GNAT3: variants seen among roughly 807,000 people sequenced by gnomAD.
GNAT3 encodes the protein G protein subunit alpha transducin 3.
GNAT3 carries 31 observed loss-of-function variants against 37.7 expected under a neutral mutation model. The ratio of observed to expected loss-of-function variants is 0.82; its 90% confidence interval spans 0.62 to 1.11. The LOEUF (loss-of-function observed/expected upper bound fraction) is 1.11, where lower values mean the gene tolerates loss of function less well. GNAT3 is among the 50% of genes most tolerant of loss of function. The pLI, the probability that GNAT3 is intolerant of heterozygous loss-of-function variation, is 0.00. For missense variants in GNAT3, 437 were observed against 412.5 expected (o/e 1.06, Z -0.51); for synonymous variants, 138 against 139.8 (o/e 0.99, Z 0.09).
chr7:80,458,649 G>C lies in GNAT3; in HGVS notation c.*22C>G. ...TATTTTGAAAAGCATACATGAGCAA[G>C]AGTGGAAGAGAAAATAGTTGATTAG... On this transcript the variant is annotated 3_prime_UTR_variant, in exon 8 of 8. Transcript: ENST00000398291. 3 of 1,376,376 alleles carry C rather than the reference G, an allele frequency of 2.2e-6. No homozygotes were observed. Among genetic ancestry groups the C allele is most frequent in the Non-Finnish European group, 3.0e-6 (3 of 1,011,064 alleles). 85.3% of individuals were successfully genotyped at this position (1,376,376 alleles called of 1,614,324 possible).
chr7:80,471,481 G>C (rs1790218351), intron 5 of GNAT3, among the ~76,000 whole-genome samples: 2 of 151,946 alleles, frequency 1.3e-5, no homozygotes, highest in Admixed American at 1.3e-4. Context: ...ATGATTTTCT[G>C]AGGATTTACG....
chr7:80,502,104 T>C (rs935302138), intron 1 of GNAT3, among the ~76,000 whole-genome samples: 1 of 152,068 alleles, frequency 6.6e-6, no homozygotes, highest in Admixed American at 6.5e-5. Context: ...AGAGGGTAGA[T>C]CTTATGTTAA....
chr7:80,474,473 G>A (rs1562722941), intron 4 of GNAT3, 94 bp from the exon 5 acceptor site: 7 of 498,976 alleles, frequency 1.4e-5, no homozygotes, highest in South Asian at 7.1e-5. Flanking sequence ...ATATATATGT[G>A]TGTGTATATA....
chr7:80,486,062 C>T (rs1452627526), intron 3 of GNAT3, among the ~76,000 whole-genome samples: 1 of 152,166 alleles, frequency 6.6e-6, no homozygotes, highest in Non-Finnish European at 1.5e-5. Context: ...CTAACCAGAA[C>T]TCTGAAAGTC....
In GNAT3 at chr7:80,462,597, TTCTC is replaced by T. The variant is rs776583665; in HGVS notation, c.621_624del (p.Lys209SerfsTer31). The T allele has an allele frequency of 2.4e-5, 39 of 1,612,486 alleles. No individual in the cohort carries two copies. The highest frequency in any genetic ancestry group is 3.1e-5 in the Non-Finnish European group (37 of 1,178,806). ...CCTTCAAAGCAGTGAATCCACTTCT[TTCTC>T]TCAGATCTCTGTCCACCTACATCAA... is the stretch of plus-strand genomic sequence containing the variant. On this transcript the variant is annotated frameshift_variant, in exon 6 of 8. Transcript: ENST00000398291. LOFTEE classifies it high-confidence loss of function.
intron 1 of GNAT3, among the ~76,000 whole-genome samples, chr7:80,503,558 C>G (rs1790875639): frequency 6.6e-6 from 1 of 151,930 alleles, no homozygotes; most frequent in African/African-American, 2.4e-5. Flanking sequence ...GAGATTTATG[C>G]CAATAGAGAT....
chr7:80,511,065 G>C (rs922496563), intron 1 of GNAT3, among the ~76,000 whole-genome samples: 2 of 151,832 alleles, frequency 1.3e-5, no homozygotes, highest in African/African-American at 4.8e-5. Flanking sequence ...CATGTAAAAT[G>C]TTTTATGCTT....
chr7:80,488,581 T>C lies in GNAT3; in HGVS notation c.257A>G (p.Lys86Arg). The change falls in exon 3 of 8, where the codon AAA (lysine) becomes AGA (arginine). Residue 86 changes from lysine to arginine, a missense_variant. Lys to Arg is a conservative substitution (Grantham distance 26, BLOSUM62 2). Transcript: ENST00000398291. ...ATCAATTCCAAGGGTAGTCATGGCT[T>C]TCACAATAGCTAGGATGGATTGCAA... The part of the protein sequence containing the change: ...NTLQSILAIV[K>R]AMTTLGIDYV... 6.2e-7 allele frequency: 1 copy of C among 1,600,586 alleles called. No homozygotes were observed. The highest frequency in any genetic ancestry group is 8.5e-7 in the Non-Finnish European group (1 of 1,172,294).
Position 80,458,754 on chromosome 7 carries a change from C to T in GNAT3, c.982G>A (p.Asp328Asn). The change falls in exon 8 of 8, where the codon GAC becomes AAC. Residue 328 changes from aspartate (D) to asparagine (N), a missense_variant. Coordinates refer to ENST00000398291, the MANE Select transcript of GNAT3 (RefSeq NM_001102386.3). ...AACACAAACTTGACATTTTGGGTGT[C>T]AGTAGCACAGGTCATGTGGGAATAA... is the stretch of plus-strand genomic sequence containing the variant. ...EIYSHMTCATDTQNVKFVFDA... is the reference protein window; with the variant it reads ...EIYSHMTCATNTQNVKFVFDA... 1.3e-6 allele frequency: 2 copies of T among 1,599,334 alleles called. No homozygotes were observed. Among genetic ancestry groups the T allele is most frequent in the Non-Finnish European group, 1.7e-6 (2 of 1,171,200 alleles).
chr7:80,461,133 A>G (rs1407276151), intron 7 of GNAT3, among the ~76,000 whole-genome samples: 1 of 151,986 alleles, frequency 6.6e-6, no homozygotes, highest in African/African-American at 2.4e-5. Context: ...GAAAAAAGAT[A>G]TAAGCCCTAA....
At chr7:80,492,062 G>A (rs560696509) in intron 2 of GNAT3, among the ~76,000 whole-genome samples, 1 of 152,002 alleles carries the variant, frequency 6.6e-6, no homozygotes, top group Non-Finnish European at 1.5e-5. Context: ...GGGCACAGTG[G>A]CTCATGCCTG....
chr7:80,504,304 C>A (rs186681680), intron 1 of GNAT3, among the ~76,000 whole-genome samples: 3 of 151,878 alleles, frequency 2.0e-5, no homozygotes, highest in African/African-American at 7.2e-5. Context: ...TGAAAAGACC[C>A]TGTCTTTAAA....
intron 1 of GNAT3, among the ~76,000 whole-genome samples, chr7:80,508,903 A>T (rs1304150894): frequency 6.6e-6 from 1 of 152,080 alleles, no homozygotes; most frequent in African/African-American, 2.4e-5. Context: ...CTGAAAAAAA[A>T]TCTGTCAAAA....
intron 1 of GNAT3, 66 bp from the exon 2 acceptor site, chr7:80,494,713 C>G: frequency 1.1e-6 from 1 of 919,870 alleles, no homozygotes; most frequent in South Asian, 1.5e-5. Flanking sequence ...TAAAAACTAT[C>G]ACTTTTCATG....
At chr7:80,464,611 G>T (rs893049300) in intron 5 of GNAT3, among the ~76,000 whole-genome samples, 4 of 152,004 alleles carry the variant, frequency 2.6e-5, no homozygotes, top group Non-Finnish European at 5.9e-5. Flanking sequence ...TAGAAGCAAA[G>T]AAATAAAGTA....
Position 80,512,017 on chromosome 7 carries a change from G to A in GNAT3, c.-91C>T, listed in dbSNP as rs1201600514. 5 of 826,494 alleles carry A rather than the reference G, an allele frequency of 6.0e-6. No homozygotes were observed. In the African/African-American group the frequency reaches 8.4e-5, roughly 14 times the overall value. 51.2% of individuals were successfully genotyped at this position (826,494 alleles called of 1,614,324 possible). ...TTTGGACATAGGAGGCAAGAGTAAT[G>A]CTCTGCTGAAGTACCTAGCAGTCCA... On this transcript the variant is annotated 5_prime_UTR_variant, in exon 1 of 8. Coordinates refer to ENST00000398291, the MANE Select transcript of GNAT3 (RefSeq NM_001102386.3).
At chr7:80,474,918 T>C (rs1423284986) in intron 4 of GNAT3, among the ~76,000 whole-genome samples, 1 of 152,134 alleles carries the variant, frequency 6.6e-6, no homozygotes, top group East Asian at 1.9e-4. Flanking sequence ...AATTTGAAGG[T>C]TGTTTGTTAT....
rs749425295 is a variant in GNAT3, at chr7:80,479,015, G to A, written c.304-17C>T. On this transcript the variant is annotated splice_polypyrimidine_tract_variant and intron_variant, in intron 3 of 7. Transcript: ENST00000398291. ...TTGGTCCTCCTAGAACAATATTTTG[G>A]TGAGAATAAGTATGTATTATTTGGA... The A allele has an allele frequency of 1.5e-5, 23 of 1,557,366 alleles. No homozygotes were observed. The highest frequency in any genetic ancestry group is 1.9e-5 in the Non-Finnish European group (22 of 1,147,436).
chr7:80,495,453 G>GT (rs577094301), intron 1 of GNAT3, among the ~76,000 whole-genome samples: 1,855 of 142,252 alleles, frequency 0.013, 37 homozygotes, highest in African/African-American at 0.041. Context: ...TCTCACTGTA[G>GT]TTTTTTTTTT....
Sources: gnomAD v4.1 joint callset for allele counts (sites outside exome capture counted in the v4.1 genomes callset) on GRCh38, gnomAD v4.1.1 for gene constraint, MANE v1.5 for transcripts, NCBI Gene and HGNC (gene_info 2026-07-23, HGNC 2026-07-21) for gene names.